Variants in PRKAG2 observed in about 807,000 individuals in gnomAD.
PRKAG2 encodes the protein protein kinase AMP-activated non-catalytic subunit gamma 2.
Under a neutral mutation model 69.6 loss-of-function variants are expected in PRKAG2, and 26 were observed. That is an observed-to-expected ratio of 0.37 (90% CI 0.27 to 0.52). The LOEUF is 0.52. Among genes scored for constraint, PRKAG2 ranks in the 20% least tolerant of loss-of-function variants. The pLI is 0.90. For missense variants in PRKAG2, 557 were observed against 740.0 expected (o/e 0.75, Z 2.87); for synonymous variants, 293 against 285.0 (o/e 1.03, Z -0.28).
intron 6 of PRKAG2, among the ~76,000 whole-genome samples, chr7:151,576,949 A>G (rs563127854): frequency 6.6e-5 from 10 of 151,056 alleles, no homozygotes; most frequent in African/African-American, 2.4e-4. Flanking sequence ...GGGATTAGAA[A>G]TTATTTTTTG....
At chr7:151,687,980 C>G (rs1188932017) in intron 3 of PRKAG2, among the ~76,000 whole-genome samples, 1 of 139,952 alleles carries the variant, frequency 7.1e-6, no homozygotes, top group Non-Finnish European at 1.5e-5. Flanking sequence ...AGTGGAAGGC[C>G]AAGACTTGGC....
At chr7:151,639,981 T>C (rs530801131) in intron 4 of PRKAG2, among the ~76,000 whole-genome samples, 228 of 152,298 alleles carry the variant, frequency 1.5e-3, no homozygotes, top group African/African-American at 5.1e-3. Flanking sequence ...GCTCTGTCTC[T>C]CTGAAGAACC....
intron 3 of PRKAG2, among the ~76,000 whole-genome samples, chr7:151,694,615 C>T (rs61023859): frequency 0.13 from 19,614 of 152,218 alleles, 3,142 homozygotes; most frequent in African/African-American, 0.36. Context: ...CAAGGCAGCA[C>T]CTGTCAGAAT....
chr7:151,594,149 T>C (rs56251194), intron 6 of PRKAG2, among the ~76,000 whole-genome samples: 5,377 of 152,234 alleles, frequency 0.035, 314 homozygotes, highest in African/African-American at 0.12. Flanking sequence ...TTTCAGCTGG[T>C]GCTCCCGAAG....
At chr7:151,682,156 T>C (rs1233517163) in intron 3 of PRKAG2, among the ~76,000 whole-genome samples, 1 of 152,228 alleles carries the variant, frequency 6.6e-6, no homozygotes, top group African/African-American at 2.4e-5. Flanking sequence ...AGGTGGGTAG[T>C]AAGAATGATT....
chr7:151,847,860 A>G (rs1169730814), intron 1 of PRKAG2, among the ~76,000 whole-genome samples: 5 of 152,234 alleles, frequency 3.3e-5, no homozygotes, highest in Admixed American at 3.3e-4. Flanking sequence ...GGCAGCTCAC[A>G]CGGGCTCCCC....
rs2075180091 is a variant in PRKAG2 at position 151,757,744 on chromosome 7, T to G, written c.466+23408A>C. On this transcript the variant is annotated intron_variant, in intron 3 of 15. Transcript: ENST00000287878. The stretch of plus-strand genomic sequence containing the variant: ...TGTTCTCTGACCATCTAGGGTGGTG[T>G]TTTCCAAACTGCAACCACTGCCCCC... 2.6e-5 allele frequency among the ~76,000 whole-genome samples: 4 copies of G among 152,094 alleles called. No homozygotes were observed. The South Asian group carries it at 8.3e-4, about 32-fold the overall frequency.
chr7:151,559,648 C>T (rs1804484109), intron 15 of PRKAG2: 2 of 985,044 alleles, frequency 2.0e-6, no homozygotes, highest in Admixed American at 6.1e-5. Context: ...TTTTGGGTTA[C>T]AGACTTAATT....
intron 4 of PRKAG2, among the ~76,000 whole-genome samples, chr7:151,673,028 A>G (rs991022635): frequency 6.6e-6 from 1 of 152,120 alleles, no homozygotes; most frequent in Non-Finnish European, 1.5e-5. Context: ...GGAGATAAGA[A>G]CACCACTTTC....
chr7:151,679,827 G>A (rs1161944919), intron 3 of PRKAG2, among the ~76,000 whole-genome samples: 21 of 152,138 alleles, frequency 1.4e-4, no homozygotes, highest in Non-Finnish European at 1.9e-4. Flanking sequence ...CACTTTGGGA[G>A]GCTGAGGGAG....
At chr7:151,644,667 A>C (rs1279681709) in intron 4 of PRKAG2, among the ~76,000 whole-genome samples, 5 of 152,224 alleles carry the variant, frequency 3.3e-5, no homozygotes, top group African/African-American at 9.6e-5. Flanking sequence ...AAGTCTTTGT[A>C]GGAACATGCT....
At chr7:151,736,262 GC>G in intron 3 of PRKAG2, 1 of 1,313,276 alleles carries the variant, frequency 7.6e-7, no homozygotes, top group Non-Finnish European at 9.7e-7. Context: ...TCCGGCCACA[GC>G]AGCTGGAGCG....
Position 151,699,104 on chromosome 7 carries a change from C to T in PRKAG2, c.467-23467G>A, listed in dbSNP as rs563410526. Among the ~76,000 whole-genome samples the T allele has an allele frequency of 2.0e-5, 3 of 152,284 alleles. No individual in the cohort carries two copies. The highest frequency in any genetic ancestry group is 3.9e-4 in the East Asian group (2 of 5,170). ...GAGCCAGTCTGCAAACTCTGGGGAG[C>T]ACCCCTCAATGCCCTTAGGCCACCT... On this transcript the variant is annotated intron_variant, in intron 3 of 15. Coordinates refer to ENST00000287878, the MANE Select transcript of PRKAG2 (RefSeq NM_016203.4). The surrounding 1 kb of genome is among the most constrained non-coding windows in gnomAD (Gnocchi z 4.5).
At chr7:151,592,035 C>T (rs1372743222) in intron 6 of PRKAG2, among the ~76,000 whole-genome samples, 9 of 152,288 alleles carry the variant, frequency 5.9e-5, no homozygotes, top group African/African-American at 1.7e-4. Flanking sequence ...GACCCTCTCT[C>T]GCCAGGCCGA....
rs2076001942 is a variant in PRKAG2 at position 151,771,128 on chromosome 7, T to G, written c.466+10024A>C. ...ACTTCAGGCTCTAAGATCTGCCTGATTTCTACTACTGTAAGAACATAGAAA... is the reference window on the plus strand; with the variant it reads ...ACTTCAGGCTCTAAGATCTGCCTGAGTTCTACTACTGTAAGAACATAGAAA... On this transcript the variant is annotated intron_variant, in intron 3 of 15. Transcript: ENST00000287878. The surrounding 1 kb of genome is among the most constrained non-coding windows in gnomAD (Gnocchi z 4.0). Among the ~76,000 whole-genome samples the G allele has an allele frequency of 6.6e-6, 1 of 152,218 alleles. No individual in the cohort carries two copies. Among genetic ancestry groups the G allele is most frequent in the African/African-American group, 2.4e-5 (1 of 41,446 alleles).
At chr7:151,557,816 G>C in intron 15 of PRKAG2, 2 of 760,358 alleles carry the variant, frequency 2.6e-6, no homozygotes, top group Non-Finnish European at 3.2e-6. Context: ...GTTGCAGTGA[G>C]CCGAGAGATC....
chr7:151,692,925 G>A (rs1835916221), intron 3 of PRKAG2, among the ~76,000 whole-genome samples: 1 of 152,090 alleles, frequency 6.6e-6, no homozygotes, highest in South Asian at 2.1e-4. Context: ...AGGCAACCTG[G>A]GCCCTGTCAC....
At position 151,868,532 on chromosome 7, in the gene PRKAG2, G is replaced by A. The variant is rs562271390; in HGVS notation, c.114+7975C>T. 5.7e-4 allele frequency among the ~76,000 whole-genome samples: 87 copies of A among 152,352 alleles called. 1 individual carries two copies. Among genetic ancestry groups the A allele is most frequent in the Middle Eastern group, 6.8e-3 (2 of 294 alleles). On this transcript the variant is annotated intron_variant, in intron 1 of 15. Coordinates refer to ENST00000287878, the MANE Select transcript of PRKAG2 (RefSeq NM_016203.4). ...CAACGTCACAGCTCAGCTGCCCATC[G>A]GCCTTTGTTTGTTGCGCATTTTAAA...
rs1476857583 is a variant in PRKAG2 at position 151,876,800 on chromosome 7, A to C, written c.-180T>G. ...ACTCGCGCGGCCGCCGCCGCCGCCG[A>C]AGCGCCGAATTCAAGCGTCCTTTCC... is the stretch of plus-strand genomic sequence containing the variant. On this transcript the variant is annotated 5_prime_UTR_variant, in exon 1 of 16. Coordinates refer to ENST00000287878, the MANE Select transcript of PRKAG2 (RefSeq NM_016203.4). The C allele has an allele frequency of 3.0e-5, 20 of 669,828 alleles. No homozygotes were observed. In the East Asian group the frequency reaches 5.2e-4, roughly 17 times the overall value. 41.5% of individuals were successfully genotyped at this position (669,828 alleles called of 1,614,324 possible). A position where few individuals can be genotyped will look rare whatever the true frequency, so the allele number is the denominator to read the frequency against.
Sources: gnomAD v4.1 joint callset for allele counts (sites outside exome capture counted in the v4.1 genomes callset) on GRCh38, gnomAD v4.1.1 for gene constraint, Gnocchi (gnomAD v3.1) non-coding constraint, MANE v1.5 for transcripts, NCBI Gene and HGNC (gene_info 2026-07-23, HGNC 2026-07-21) for gene names.